KIZ: variants seen among roughly 807,000 people sequenced by gnomAD.
KIZ encodes kizuna centrosomal protein.
A neutral mutation model predicts 79.6 loss-of-function variants in KIZ; 68 were observed. The observed-to-expected ratio is 0.85, with a 90% CI of 0.70 to 1.05. The LOEUF is 1.05. Ranked by LOEUF, KIZ falls within the 50% of genes least tolerant of loss-of-function variation. The probability of loss-of-function intolerance (pLI) is 0.00; values close to 1 mark genes in which losing one functional copy is unlikely to be tolerated. For missense variants in KIZ, 797 were observed against 800.4 expected (o/e 1.00, Z 0.05); for synonymous variants, 280 against 281.8 (o/e 0.99, Z 0.06).
At chr20:21,155,985 T>C (rs1324534458) in intron 4 of KIZ, among the ~76,000 whole-genome samples, 1 of 152,252 alleles carries the variant, frequency 6.6e-6, no homozygotes, top group Non-Finnish European at 1.5e-5. Flanking sequence ...GATTCTTTCC[T>C]ACGAGGATTC....
At chr20:21,166,790 A>C (rs948856294) in intron 6 of KIZ, among the ~76,000 whole-genome samples, 1 of 151,880 alleles carries the variant, frequency 6.6e-6, no homozygotes, top group African/African-American at 2.4e-5. Flanking sequence ...ACCCGGTTTC[A>C]CTATGTTGGC....
chr20:21,143,804 G>A (rs1021983275), intron 3 of KIZ, among the ~76,000 whole-genome samples: 1 of 152,184 alleles, frequency 6.6e-6, no homozygotes, highest in Non-Finnish European at 1.5e-5. Context: ...GGAGAGCGCT[G>A]TGGAAAACTC....
intron 3 of KIZ, among the ~76,000 whole-genome samples, chr20:21,141,480 C>T (rs902223510): frequency 2.0e-5 from 3 of 151,556 alleles, no homozygotes; most frequent in Non-Finnish European, 2.9e-5. Context: ...TAACCAAACA[C>T]TCTCCAGAGC....
intron 9 of KIZ, among the ~76,000 whole-genome samples, chr20:21,223,181 A>C (rs1160586291): frequency 1.3e-5 from 2 of 152,202 alleles, no homozygotes; most frequent in Non-Finnish European, 2.9e-5. Flanking sequence ...AGTTTTGAAA[A>C]GTTAAAGGTT....
intron 6 of KIZ, among the ~76,000 whole-genome samples, chr20:21,175,660 A>T (rs76039348): frequency 6.6e-6 from 1 of 152,278 alleles, no homozygotes; most frequent in African/African-American, 2.4e-5. Flanking sequence ...GGGATCCTGT[A>T]TAGTAGCAGG....
Position 21,160,914 on chromosome 20 carries a change from G to A in KIZ, c.406-957G>A, listed in dbSNP as rs144969957. ...CTTACCAGACCCAGAGTCTGCTGGCGCCTGCCTTGATCTTGGACTTCCCAG... is the reference window on the plus strand; with the variant it reads ...CTTACCAGACCCAGAGTCTGCTGGCACCTGCCTTGATCTTGGACTTCCCAG... On this transcript the variant is annotated intron_variant, in intron 4 of 12. Transcript: ENST00000619189. The A allele has an allele frequency of 5.6e-3, 859 of 153,700 alleles. 3 individuals are homozygous for A. The highest frequency in any genetic ancestry group is 6.5e-3 in the African/African-American group (272 of 41,580). The allele number at this position is 153,700 out of a possible 1,614,324, so 9.5% of individuals were successfully genotyped here.
chr20:21,200,021 G>A (rs148430824), intron 6 of KIZ, among the ~76,000 whole-genome samples: 244 of 152,152 alleles, frequency 1.6e-3, no homozygotes, highest in African/African-American at 5.4e-3. Context: ...GGGTTTTACC[G>A]TGTTGGCCAG....
intron 6 of KIZ, among the ~76,000 whole-genome samples, chr20:21,205,246 C>T (rs1279510868): frequency 6.6e-6 from 1 of 152,130 alleles, no homozygotes; most frequent in Non-Finnish European, 1.5e-5. Flanking sequence ...CCAGATTGTG[C>T]AGAGCTCCCC....
At chr20:21,159,056 G>T (rs2033530934) in intron 4 of KIZ, among the ~76,000 whole-genome samples, 1 of 151,526 alleles carries the variant, frequency 6.6e-6, no homozygotes, top group Non-Finnish European at 1.5e-5. Context: ...CACCCAGGCT[G>T]GAGTGCAGTG....
At chr20:21,174,789 G>T (rs2034365944) in intron 6 of KIZ, among the ~76,000 whole-genome samples, 1 of 152,192 alleles carries the variant, frequency 6.6e-6, no homozygotes, top group Admixed American at 6.5e-5. Context: ...CCCATCCAGT[G>T]ATTTTAATTT....
At chr20:21,244,770 G>A (rs964715203) in intron 12 of KIZ, 6 of 158,506 alleles carry the variant, frequency 3.8e-5, no homozygotes, top group African/African-American at 1.4e-4. Flanking sequence ...CCTGTGTAAG[G>A]ACGGCCAATG....
At chr20:21,200,281 C>T (rs926773982) in intron 6 of KIZ, among the ~76,000 whole-genome samples, 1 of 152,110 alleles carries the variant, frequency 6.6e-6, no homozygotes, top group Non-Finnish European at 1.5e-5. Flanking sequence ...CAGTCCCTAA[C>T]CTTTTTGGCA....
At chr20:21,238,703 G>A (rs984603192) in intron 11 of KIZ, among the ~76,000 whole-genome samples, 5 of 152,166 alleles carry the variant, frequency 3.3e-5, no homozygotes, top group African/African-American at 1.2e-4. Flanking sequence ...CAATTTCATG[G>A]TGTTTATTCT....
chr20:21,229,373 G>A (rs1171612779), intron 10 of KIZ, among the ~76,000 whole-genome samples: 1 of 152,220 alleles, frequency 6.6e-6, no homozygotes, highest in Non-Finnish European at 1.5e-5. Context: ...TGTCATGATA[G>A]TGACTTGTCA....
chr20:21,177,474 T>C (rs1001114480), intron 6 of KIZ, among the ~76,000 whole-genome samples: 1 of 152,130 alleles, frequency 6.6e-6, no homozygotes, highest in African/African-American at 2.4e-5. Flanking sequence ...CTTACATGTT[T>C]GGGAAATTAA....
intron 6 of KIZ, among the ~76,000 whole-genome samples, chr20:21,188,148 C>A (rs1568958025): frequency 6.6e-6 from 1 of 152,242 alleles, no homozygotes; most frequent in Non-Finnish European, 1.5e-5. Context: ...GAATTTCCCT[C>A]CTGTATTTCT....
intron 6 of KIZ, among the ~76,000 whole-genome samples, chr20:21,204,154 C>T (rs1309338663): frequency 8.4e-6 from 1 of 118,730 alleles, no homozygotes; most frequent in African/African-American, 3.1e-5. Flanking sequence ...CTCTCTCTGT[C>T]GCCCAGGCTG....
At chr20:21,129,048 A>G (rs2031669615) in intron 1 of KIZ, among the ~76,000 whole-genome samples, 1 of 152,180 alleles carries the variant, frequency 6.6e-6, no homozygotes, top group Non-Finnish European at 1.5e-5. Context: ...AAGATTCTGA[A>G]TAGAGATTTA....
intron 11 of KIZ, among the ~76,000 whole-genome samples, chr20:21,243,769 T>C (rs1474221123): frequency 1.3e-5 from 2 of 152,236 alleles, no homozygotes; most frequent in Non-Finnish European, 2.9e-5. Context: ...CTTTCTTAAC[T>C]GTTAGTATTG....
Sources: allele counts gnomAD v4.1 joint callset (sites outside exome capture counted in the v4.1 genomes callset), GRCh38; gene constraint gnomAD v4.1.1; transcripts MANE v1.5; gene names NCBI Gene and HGNC (gene_info 2026-07-23, HGNC 2026-07-21).